NELL2: variants seen among roughly 807,000 people sequenced by gnomAD.
The protein encoded by NELL2 is neural EGFL like 2.
A neutral mutation model predicts 109.6 loss-of-function variants in NELL2; 41 were observed. The ratio of observed to expected loss-of-function variants is 0.37; its 90% confidence interval spans 0.29 to 0.49. The LOEUF is 0.49. Among genes scored for constraint, NELL2 ranks in the 20% least tolerant of loss-of-function variants. NELL2 has a pLI of 0.98. For synonymous variants in NELL2, 355 were observed against 344.7 expected, an observed-to-expected ratio of 1.03 and a Z score of -0.33; for missense variants, 900 against 1,008.3, an observed-to-expected ratio of 0.89 and a Z score of 1.45.
At chr12:44,775,197 A>C (rs1050228985) in intron 8 of NELL2, among the ~76,000 whole-genome samples, 4 of 152,094 alleles carry the variant, frequency 2.6e-5, no homozygotes, top group Non-Finnish European at 5.9e-5. Context: ...CTGAATAAAA[A>C]CTGTATCATG....
chr12:44,576,814 C>T (rs1423142194), intron 15 of NELL2, among the ~76,000 whole-genome samples: 66 of 151,624 alleles, frequency 4.4e-4, no homozygotes, highest in African/African-American at 1.5e-3. Context: ...TTTGTTCTTG[C>T]GATAGTTTAC....
Position 44,610,985 on chromosome 12 carries a change from AC to A in NELL2, c.1445-16del. 2 of 1,610,150 alleles carry A rather than the reference AC, an allele frequency of 1.2e-6. No homozygotes were observed. The highest frequency in any genetic ancestry group is 1.7e-6 in the Non-Finnish European group (2 of 1,177,202). ...CTCATCATGTTCTGAAATGAGGAAT[AC>A]AATTTTGTTACTCAAAGTTATATTT... On this transcript the variant is annotated splice_polypyrimidine_tract_variant and intron_variant, in intron 13 of 19. Coordinates refer to ENST00000429094, the MANE Select transcript of NELL2 (RefSeq NM_001145108.2).
chr12:44,700,310 T>A (rs1293289435), intron 12 of NELL2, among the ~76,000 whole-genome samples: 1 of 152,190 alleles, frequency 6.6e-6, no homozygotes, highest in Non-Finnish European at 1.5e-5. Context: ...TTTCTCCTGT[T>A]CATCCTACAG....
intron 2 of NELL2, among the ~76,000 whole-genome samples, chr12:44,822,943 G>C (rs1014658243): frequency 2.0e-5 from 3 of 152,008 alleles, no homozygotes; most frequent in Admixed American, 2.0e-4. Flanking sequence ...AGAAAGGCAG[G>C]GGGAGGAGGA....
intron 2 of NELL2, among the ~76,000 whole-genome samples, chr12:44,839,663 A>T (rs1944162562): frequency 6.6e-6 from 1 of 152,210 alleles, no homozygotes; most frequent in Non-Finnish European, 1.5e-5. Context: ...TTTCTGAAAC[A>T]ACTTAGTGAA....
chr12:44,752,241 T>C (rs1940685051), intron 9 of NELL2, among the ~76,000 whole-genome samples: 1 of 152,250 alleles, frequency 6.6e-6, no homozygotes. Flanking sequence ...ACAAGGAGTG[T>C]GGTTTTATGA....
At chr12:44,773,903 T>TCTCC (rs1941648948) in intron 9 of NELL2, among the ~76,000 whole-genome samples, 1 of 38,270 alleles carries the variant, frequency 2.6e-5, no homozygotes, top group African/African-American at 7.9e-5. Flanking sequence ...CTACTGTCTT[T>TCTCC]CTCTCCACCC....
intron 13 of NELL2, among the ~76,000 whole-genome samples, chr12:44,665,016 C>A (rs1341525414): frequency 2.0e-5 from 3 of 152,054 alleles, no homozygotes; most frequent in Admixed American, 6.6e-5. Context: ...TAGAAAACTT[C>A]TTTGATGTAG....
At chr12:44,550,888 T>C (rs956728057) in intron 15 of NELL2, among the ~76,000 whole-genome samples, 13 of 152,130 alleles carry the variant, frequency 8.5e-5, no homozygotes, top group Non-Finnish European at 1.5e-5. Context: ...AGGTGATGGT[T>C]AAACTGTGCA....
intron 13 of NELL2, among the ~76,000 whole-genome samples, chr12:44,647,342 A>T (rs1240890940): frequency 6.6e-6 from 1 of 152,182 alleles, no homozygotes; most frequent in Non-Finnish European, 1.5e-5. Context: ...TCCTCTCCCT[A>T]TTTGAATAAG....
At chr12:44,729,061 A>C (rs552098803) in intron 9 of NELL2, among the ~76,000 whole-genome samples, 1 of 152,264 alleles carries the variant, frequency 6.6e-6, no homozygotes, top group Admixed American at 6.5e-5. Flanking sequence ...GGTAAAGGTA[A>C]ATATACAGAC....
chr12:44,745,882 T>A (rs1161489050), intron 9 of NELL2, among the ~76,000 whole-genome samples: 2 of 152,094 alleles, frequency 1.3e-5, no homozygotes, highest in Non-Finnish European at 2.9e-5. Flanking sequence ...CAAAGGTAAT[T>A]TATAGATTCA....
chr12:44,860,762 C>T lies in NELL2; in HGVS notation c.184+14463G>A, dbSNP rs532816266. ...TAATTTCATTTGCAAATCTAATCTC[C>T]CCTTGCCACATAACAATATATTCAC... is the stretch of plus-strand genomic sequence containing the variant. On this transcript the variant is annotated intron_variant, in intron 2 of 19. Transcript: ENST00000429094. Among the ~76,000 whole-genome samples the T allele has an allele frequency of 1.8e-4, 28 of 152,284 alleles. No homozygotes were observed. The South Asian group carries it at 5.8e-3, about 32-fold the overall frequency.
chr12:44,538,372 C>A (rs187040730), intron 15 of NELL2, among the ~76,000 whole-genome samples: 1 of 152,190 alleles, frequency 6.6e-6, no homozygotes, highest in East Asian at 1.9e-4. Context: ...GTAACTGGCT[C>A]GTAAGAGGTA....
intron 11 of NELL2, among the ~76,000 whole-genome samples, chr12:44,706,406 C>G (rs1383156229): frequency 3.9e-5 from 6 of 152,054 alleles, no homozygotes; most frequent in Admixed American, 3.9e-4. Flanking sequence ...TAGCTTTAAA[C>G]AAATCAGAGT....
At chr12:44,723,418 G>A (rs959425829) in intron 9 of NELL2, among the ~76,000 whole-genome samples, 2 of 152,114 alleles carry the variant, frequency 1.3e-5, no homozygotes, top group African/African-American at 4.8e-5. Flanking sequence ...TTATCTGATG[G>A]AATTTGGCCT....
chr12:44,555,972 G>T (rs1274461897), intron 15 of NELL2, among the ~76,000 whole-genome samples: 1 of 152,182 alleles, frequency 6.6e-6, no homozygotes, highest in Non-Finnish European at 1.5e-5. Context: ...GGTGCATGCT[G>T]CCTTCAGGTC....
intron 1 of NELL2, among the ~76,000 whole-genome samples, chr12:44,905,022 T>C (rs981466293): frequency 1.3e-5 from 2 of 152,064 alleles, no homozygotes; most frequent in African/African-American, 4.8e-5. Context: ...CCAAATTTTC[T>C]TCAACTTTAT....
At chr12:44,685,467 C>T (rs1414251287) in intron 12 of NELL2, among the ~76,000 whole-genome samples, 1 of 151,658 alleles carries the variant, frequency 6.6e-6, no homozygotes, top group Non-Finnish European at 1.5e-5. Flanking sequence ...ATGATATTAG[C>T]TGGTTATTTT....
Sources: gnomAD v4.1 joint callset for allele counts (sites outside exome capture counted in the v4.1 genomes callset) on GRCh38, gnomAD v4.1.1 for gene constraint, MANE v1.5 for transcripts, NCBI Gene and HGNC (gene_info 2026-07-23, HGNC 2026-07-21) for gene names.